RSRC1: variants seen among roughly 807,000 people sequenced by gnomAD.
RSRC1 encodes arginine and serine rich coiled-coil 1, also known as serine/Arginine-related protein 53.
RSRC1 carries 39 observed loss-of-function variants against 49.1 expected under a neutral mutation model. That is an observed-to-expected ratio of 0.79 (90% CI 0.61 to 1.04). The LOEUF is 1.04. Ranked by LOEUF, RSRC1 falls within the 50% of genes least tolerant of loss-of-function variation. RSRC1 has a pLI of 0.00. For missense variants in RSRC1, 388 were observed against 402.4 expected (o/e 0.96, Z 0.31); for synonymous variants, 143 against 130.8 (o/e 1.09, Z -0.63).
At chr3:158,215,652 T>TA (rs1191044946) in intron 4 of RSRC1, among the ~76,000 whole-genome samples, 1 of 151,854 alleles carries the variant, frequency 6.6e-6, no homozygotes, top group Non-Finnish European at 1.5e-5. Flanking sequence ...TACATTTCTG[T>TA]ATATAGATTT....
chr3:158,406,671 A>T (rs969414277), intron 6 of RSRC1, among the ~76,000 whole-genome samples: 4 of 152,112 alleles, frequency 2.6e-5, no homozygotes, highest in African/African-American at 9.7e-5. Flanking sequence ...AGAGCGTGAC[A>T]CCTGCCAGGG....
Position 158,545,218 on chromosome 3 carries a change from T to TTTTTTG in RSRC1, c.*944_*945insTTTTGT, listed in dbSNP as rs1560082397. On this transcript the variant is annotated 3_prime_UTR_variant, in exon 10 of 10. Transcript: ENST00000611884. The stretch of plus-strand genomic sequence containing the variant: ...CTTTTTTTTTTTTTTTTTTTTTTTT[T>TTTTTTG]TGAGACGGAGTCTCGCTCTATCCCC... 1 of 139,460 alleles carries TTTTTTG rather than the reference T, an allele frequency of 7.2e-6. No individual in the cohort carries two copies. Among genetic ancestry groups the TTTTTTG allele is most frequent in the African/African-American group, 2.8e-5 (1 of 36,276 alleles). 8.6% of individuals were successfully genotyped at this position (139,460 alleles called of 1,614,324 possible).
intron 6 of RSRC1, among the ~76,000 whole-genome samples, chr3:158,410,652 A>G (rs1321257882): frequency 1.3e-5 from 2 of 152,086 alleles, no homozygotes; most frequent in Non-Finnish European, 2.9e-5. Flanking sequence ...CTAGCTGTCT[A>G]TCTCTATCAT....
At chr3:158,263,703 A>G (rs1215335602) in intron 4 of RSRC1, among the ~76,000 whole-genome samples, 1 of 152,112 alleles carries the variant, frequency 6.6e-6, no homozygotes, top group Non-Finnish European at 1.5e-5. Flanking sequence ...TCTTCAGTAG[A>G]TTAGTTGCTA....
intron 4 of RSRC1, among the ~76,000 whole-genome samples, chr3:158,282,162 T>G (rs763573778): frequency 2.0e-5 from 3 of 152,180 alleles, no homozygotes; most frequent in Admixed American, 6.5e-5. Flanking sequence ...AGCAAATAAT[T>G]AAGTTGGGAA....
intron 6 of RSRC1, among the ~76,000 whole-genome samples, chr3:158,368,368 G>T (rs1731890793): frequency 6.6e-6 from 1 of 152,180 alleles, no homozygotes; most frequent in South Asian, 2.1e-4. Flanking sequence ...GGCCTTGCAG[G>T]CCAGTTAATG....
chr3:158,291,961 ATTTG>A (rs1726961114), intron 4 of RSRC1, among the ~76,000 whole-genome samples: 1 of 152,214 alleles, frequency 6.6e-6, no homozygotes, highest in African/African-American at 2.4e-5. Context: ...AAATAATGAA[ATTTG>A]TTTGTAACAA....
intron 7 of RSRC1, among the ~76,000 whole-genome samples, chr3:158,517,112 G>C (rs1056804869): frequency 6.6e-6 from 1 of 152,076 alleles, no homozygotes; most frequent in African/African-American, 2.4e-5. Flanking sequence ...CGGCCATCTT[G>C]GCTCCTCCCT....
intron 4 of RSRC1, among the ~76,000 whole-genome samples, chr3:158,273,154 T>C (rs1159356041): frequency 2.0e-5 from 3 of 152,090 alleles, no homozygotes; most frequent in Non-Finnish European, 4.4e-5. Context: ...CGTATAGCAA[T>C]TTCAATGCAT....
chr3:158,454,994 C>G (rs1477964000), intron 6 of RSRC1, among the ~76,000 whole-genome samples: 2 of 152,094 alleles, frequency 1.3e-5, no homozygotes, highest in Non-Finnish European at 2.9e-5. Flanking sequence ...TGCCTGCACC[C>G]CTACTTATCA....
At chr3:158,269,831 A>G (rs567162019) in intron 4 of RSRC1, among the ~76,000 whole-genome samples, 1 of 152,272 alleles carries the variant, frequency 6.6e-6, no homozygotes, top group East Asian at 1.9e-4. Flanking sequence ...ACCTGTTCTT[A>G]AGGAGTTATT....
At chr3:158,369,439 T>C (rs949927732) in intron 6 of RSRC1, among the ~76,000 whole-genome samples, 1 of 152,100 alleles carries the variant, frequency 6.6e-6, no homozygotes, top group Admixed American at 6.6e-5. Flanking sequence ...CATTTTGTGA[T>C]GTAAAAATGG....
chr3:158,431,236 A>C (rs1735757071), intron 6 of RSRC1, among the ~76,000 whole-genome samples: 2 of 148,540 alleles, frequency 1.3e-5, no homozygotes, highest in South Asian at 4.4e-4. Context: ...TGGTATTCTG[A>C]GTAAATGTTT....
chr3:158,422,979 C>T (rs539121140), intron 6 of RSRC1, among the ~76,000 whole-genome samples: 165 of 152,242 alleles, frequency 1.1e-3, no homozygotes, highest in African/African-American at 3.7e-3. Context: ...GATATTAGCC[C>T]TTTGTCAGAT....
chr3:158,289,917 A>T (rs73166386), intron 4 of RSRC1, among the ~76,000 whole-genome samples: 5 of 142,094 alleles, frequency 3.5e-5, no homozygotes, highest in African/African-American at 7.9e-5. Context: ...CTGTCTTTCT[A>T]TCTTTCTATC....
At chr3:158,241,401 A>G (rs563630699) in intron 4 of RSRC1, among the ~76,000 whole-genome samples, 1 of 152,232 alleles carries the variant, frequency 6.6e-6, no homozygotes, top group South Asian at 2.1e-4. Context: ...GTGAGCTGAG[A>G]TTATGCTACT....
intron 3 of RSRC1, among the ~76,000 whole-genome samples, chr3:158,156,250 T>C (rs1191570430): frequency 6.6e-6 from 1 of 152,192 alleles, no homozygotes; most frequent in South Asian, 2.1e-4. Flanking sequence ...AGCTTCAAAC[T>C]TTTCTTTTGT....
intron 4 of RSRC1, among the ~76,000 whole-genome samples, chr3:158,264,913 T>C (rs1260986767): frequency 1.3e-5 from 2 of 152,250 alleles, no homozygotes; most frequent in Non-Finnish European, 2.9e-5. Context: ...CTCCAATTCT[T>C]TGAAATTGTG....
intron 6 of RSRC1, among the ~76,000 whole-genome samples, chr3:158,423,284 T>C (rs1316144845): frequency 6.6e-6 from 1 of 152,170 alleles, no homozygotes; most frequent in East Asian, 1.9e-4. Flanking sequence ...CAGTTTCAGC[T>C]TTCTACATAT....
Sources: gnomAD v4.1 joint callset for allele counts (sites outside exome capture counted in the v4.1 genomes callset) on GRCh38, gnomAD v4.1.1 for gene constraint, MANE v1.5 for transcripts, NCBI Gene and HGNC (gene_info 2026-07-23, HGNC 2026-07-21) for gene names.